BRIP1: variants seen among roughly 807,000 people sequenced by gnomAD.
BRIP1 encodes the protein BRCA1 interacting DNA helicase 1, also known as Fanconi anemia group J protein.
Under a neutral mutation model 119.7 loss-of-function variants are expected in BRIP1, and 88 were observed. The observed-to-expected ratio is 0.74, with a 90% CI of 0.62 to 0.88. The LOEUF is 0.88. Ranked by LOEUF, BRIP1 falls within the 40% of genes least tolerant of loss-of-function variation. The probability of loss-of-function intolerance (pLI) is 0.00; values close to 1 mark genes in which losing one functional copy is unlikely to be tolerated. For missense variants in BRIP1, 1,259 were observed against 1,455.4 expected, an observed-to-expected ratio of 0.87 and a Z score of 2.20; for synonymous variants, 443 against 496.5, an observed-to-expected ratio of 0.89 and a Z score of 1.43.
In BRIP1 at chr17:61,738,525, A is replaced by G. The variant is rs2076947728; in HGVS notation, c.2379+4488T>C. Among the ~76,000 whole-genome samples, 1 of 152,124 alleles carries G rather than the reference A, an allele frequency of 6.6e-6. No homozygotes were observed. The highest frequency in any genetic ancestry group is 1.5e-5 in the Non-Finnish European group (1 of 68,012). On this transcript the variant is annotated intron_variant, in intron 16 of 19. Coordinates refer to ENST00000259008, the MANE Select transcript of BRIP1 (RefSeq NM_032043.3). The surrounding 1 kb of genome is among the most constrained non-coding windows in gnomAD (Gnocchi z 4.2). Reference sequence around the variant, plus strand: ...ATGCACATAAGCAGAACTATGACAAATAGGATCATGACTGAGGAATGTCAG... The same window carrying G: ...ATGCACATAAGCAGAACTATGACAAGTAGGATCATGACTGAGGAATGTCAG...
chr17:61,756,303 C>A lies in BRIP1; in HGVS notation c.2098-11712G>T, dbSNP rs2077200005. Among the ~76,000 whole-genome samples, 1 of 152,124 alleles carries A rather than the reference C, an allele frequency of 6.6e-6. No individual in the cohort carries two copies. The highest frequency in any genetic ancestry group is 6.6e-5 in the Admixed American group (1 of 15,262). Reference sequence around the variant, plus strand: ...AATTCTCTTAGGTATCCTAACTAGGCACCTAAAAACTAACTTAAAGGAAAG... The same window carrying A: ...AATTCTCTTAGGTATCCTAACTAGGAACCTAAAAACTAACTTAAAGGAAAG... On this transcript the variant is annotated intron_variant, in intron 14 of 19. Coordinates refer to ENST00000259008, the MANE Select transcript of BRIP1 (RefSeq NM_032043.3). The surrounding 1 kb of genome is among the most constrained non-coding windows in gnomAD (Gnocchi z 4.3).
Position 61,738,435 on chromosome 17 carries a change from C to T in BRIP1, c.2379+4578G>A, listed in dbSNP as rs2076946769. 6.6e-6 allele frequency among the ~76,000 whole-genome samples: 1 copy of T among 152,084 alleles called. No individual in the cohort carries two copies. Among genetic ancestry groups the T allele is most frequent in the African/African-American group, 2.4e-5 (1 of 41,410 alleles). ...CCTTTTGGGAACCACTAGGGATAACCCTTTAGAACCACCTTCCTCCCCTCT... is the reference window on the plus strand; with the variant it reads ...CCTTTTGGGAACCACTAGGGATAACTCTTTAGAACCACCTTCCTCCCCTCT... On this transcript the variant is annotated intron_variant, in intron 16 of 19. Transcript: ENST00000259008. This position sits in a 1 kb window ranked among gnomAD's most constrained non-coding sequence, Gnocchi z 4.2.
In BRIP1 at chr17:61,822,067, A is replaced by T. The variant is rs1053608897; in HGVS notation, c.628-13310T>A. Among the ~76,000 whole-genome samples, 2 of 152,256 alleles carry T rather than the reference A, an allele frequency of 1.3e-5. No homozygotes were observed. Among genetic ancestry groups the T allele is most frequent in the African/African-American group, 4.8e-5 (2 of 41,474 alleles). ...GTAAAAGAACTAAATGACAGAAGAC[A>T]TAATAAAAACCTCGTGTGACTGGTT... On this transcript the variant is annotated intron_variant, in intron 6 of 19. Coordinates refer to ENST00000259008, the MANE Select transcript of BRIP1 (RefSeq NM_032043.3). The surrounding 1 kb of genome is among the most constrained non-coding windows in gnomAD (Gnocchi z 4.4).
chr17:61,733,231 A>G (rs2076873668), intron 16 of BRIP1, among the ~76,000 whole-genome samples: 1 of 152,186 alleles, frequency 6.6e-6, no homozygotes, highest in South Asian at 2.1e-4. Flanking sequence ...AGATTTAAGA[A>G]TTCTAATACA....
Position 61,687,492 on chromosome 17 carries a change from C to A in BRIP1, c.2576-1327G>T, listed in dbSNP as rs1257764841. On this transcript the variant is annotated intron_variant, in intron 18 of 19. Transcript: ENST00000259008. The surrounding 1 kb of genome is among the most constrained non-coding windows in gnomAD (Gnocchi z 5.1). ...GATAAAACAAATAAAGCAATATTTT[C>A]TGCTTTATGTTTTAATATCAAACCA... 1.3e-5 allele frequency among the ~76,000 whole-genome samples: 2 copies of A among 152,100 alleles called. No individual in the cohort carries two copies. Among genetic ancestry groups the A allele is most frequent in the Admixed American group, 6.5e-5 (1 of 15,278 alleles).
At chr17:61,792,927 G>C (rs1270699965) in intron 10 of BRIP1, among the ~76,000 whole-genome samples, 1 of 152,166 alleles carries the variant, frequency 6.6e-6, no homozygotes, top group African/African-American at 2.4e-5. Context: ...TGTGTATTGT[G>C]TATGTGTATA....
Position 61,799,318 on chromosome 17 carries a change from T to C in BRIP1, c.1141-19A>G. The stretch of plus-strand genomic sequence containing the variant: ...AATCCATCTATAAGATAAAAGAATT[T>C]TCTTGTAAAACATTTGGCAAAATAG... On this transcript the variant is annotated intron_variant, in intron 8 of 19. Coordinates refer to ENST00000259008, the MANE Select transcript of BRIP1 (RefSeq NM_032043.3). The surrounding 1 kb of genome is among the most constrained non-coding windows in gnomAD (Gnocchi z 5.1). 2 of 1,591,242 alleles carry C rather than the reference T, an allele frequency of 1.3e-6. No individual in the cohort carries two copies. Among genetic ancestry groups the C allele is most frequent in the East Asian group, 2.2e-5 (1 of 44,710 alleles).
At chr17:61,707,802 C>G (rs57099937) in intron 17 of BRIP1, among the ~76,000 whole-genome samples, 1 of 151,548 alleles carries the variant, frequency 6.6e-6, no homozygotes, top group African/African-American at 2.4e-5. Context: ...AAAAATAGCC[C>G]ATGTCTTGTT....
chr17:61,712,025 T>C (rs114832704), intron 17 of BRIP1, among the ~76,000 whole-genome samples: 1 of 152,082 alleles, frequency 6.6e-6, no homozygotes, highest in Non-Finnish European at 1.5e-5. Context: ...TATATACATA[T>C]AGCTATGTCT....
Position 61,713,497 on chromosome 17 carries a change from G to C in BRIP1, c.2492+2454C>G, listed in dbSNP as rs1025650735. Among the ~76,000 whole-genome samples, 18 of 151,904 alleles carry C rather than the reference G, an allele frequency of 1.2e-4. No homozygotes were observed. The highest frequency in any genetic ancestry group is 3.9e-4 in the African/African-American group (16 of 41,376). On this transcript the variant is annotated intron_variant, in intron 17 of 19. Transcript: ENST00000259008. The surrounding 1 kb of genome is among the most constrained non-coding windows in gnomAD (Gnocchi z 4.9). Reference sequence around the variant, plus strand: ...ATGCTCCTGATCCTGTGTAGGCCTAGGATACTACATGAGTGTTTATGTCTT... The same window carrying C: ...ATGCTCCTGATCCTGTGTAGGCCTACGATACTACATGAGTGTTTATGTCTT...
At position 61,778,972 on chromosome 17, in the gene BRIP1, T is replaced by G. The variant is rs566142978; in HGVS notation, c.1935+1289A>C. ...TGATGTTAACTTAACCACTTTAGCA[T>G]TAACCACAGCTTAACATCACCTGTG... On this transcript the variant is annotated intron_variant, in intron 13 of 19. Transcript: ENST00000259008. This position sits in a 1 kb window ranked among gnomAD's most constrained non-coding sequence, Gnocchi z 4.4. Among the ~76,000 whole-genome samples the G allele has an allele frequency of 2.6e-4, 39 of 152,316 alleles. No homozygotes were observed. In the East Asian group the frequency reaches 7.1e-3, roughly 28 times the overall value.
rs1224829135 is a variant in BRIP1, at chr17:61,717,652, G to C, written c.2380-1589C>G. Among the ~76,000 whole-genome samples the C allele has an allele frequency of 1.3e-5, 2 of 152,140 alleles. No homozygotes were observed. The highest frequency in any genetic ancestry group is 1.3e-4 in the Admixed American group (2 of 15,264). Reference sequence around the variant, plus strand: ...GCGACTTTGGATTGGATTACAGTGTGCTGTTGTGTGTATTTTGCTTGCGTT... The same window carrying C: ...GCGACTTTGGATTGGATTACAGTGTCCTGTTGTGTGTATTTTGCTTGCGTT... On this transcript the variant is annotated intron_variant, in intron 16 of 19. Transcript: ENST00000259008. The surrounding 1 kb of genome is among the most constrained non-coding windows in gnomAD (Gnocchi z 4.1).
In BRIP1 at chr17:61,805,279, A is replaced by G. The variant is rs990966247; in HGVS notation, c.918+3188T>C. On this transcript the variant is annotated intron_variant, in intron 7 of 19. Coordinates refer to ENST00000259008, the MANE Select transcript of BRIP1 (RefSeq NM_032043.3). The surrounding 1 kb of genome is among the most constrained non-coding windows in gnomAD (Gnocchi z 5.6). ...AATAGCTGAGGACCAGTTCTCCTAA[A>G]GCTTTGTATTCAGCCATGTTAAAGG... Among the ~76,000 whole-genome samples, 1 of 152,256 alleles carries G rather than the reference A, an allele frequency of 6.6e-6. No homozygotes were observed. Among genetic ancestry groups the G allele is most frequent in the South Asian group, 2.1e-4 (1 of 4,826 alleles).
chr17:61,732,696 A>ATT (rs539570210), intron 16 of BRIP1, among the ~76,000 whole-genome samples: 37 of 146,462 alleles, frequency 2.5e-4, no homozygotes, highest in African/African-American at 9.0e-4. Context: ...TATCATTAAC[A>ATT]TTTTTTTTTT....
rs1224791275 is a variant in BRIP1 at position 61,738,294 on chromosome 17, C to T, written c.2379+4719G>A. On this transcript the variant is annotated intron_variant, in intron 16 of 19. Coordinates refer to ENST00000259008, the MANE Select transcript of BRIP1 (RefSeq NM_032043.3). The surrounding 1 kb of genome is among the most constrained non-coding windows in gnomAD (Gnocchi z 4.2). ...GTTACAGAAGAAGAACTGATCCAGA[C>T]ATATGGCAATAAGAAATACACTTCC... is the stretch of plus-strand genomic sequence containing the variant. Among the ~76,000 whole-genome samples the T allele has an allele frequency of 1.3e-5, 2 of 152,138 alleles. No individual in the cohort carries two copies. Among genetic ancestry groups the T allele is most frequent in the African/African-American group, 4.8e-5 (2 of 41,428 alleles).
Position 61,683,160 on chromosome 17 carries a change from A to G in BRIP1, c.*136T>C, listed in dbSNP as rs1488079363. 10 of 1,129,022 alleles carry G rather than the reference A, an allele frequency of 8.9e-6. No individual in the cohort carries two copies. In the East Asian group the frequency reaches 1.5e-4, roughly 17 times the overall value. 69.9% of individuals were successfully genotyped at this position (1,129,022 alleles called of 1,614,324 possible). ...AAAAAAACCCAAAAACTCAAGAATA[A>G]TAACATTTACATTTCTGAACATAAA... On this transcript the variant is annotated 3_prime_UTR_variant, in exon 20 of 20. Transcript: ENST00000259008. The surrounding 1 kb of genome is among the most constrained non-coding windows in gnomAD (Gnocchi z 4.7).
intron 6 of BRIP1, among the ~76,000 whole-genome samples, chr17:61,817,425 A>G (rs1415945346): frequency 6.6e-6 from 1 of 152,218 alleles, no homozygotes; most frequent in Non-Finnish European, 1.5e-5. Flanking sequence ...TTAAAATGAG[A>G]AAACAATGCT....
Position 61,682,250 on chromosome 17 carries a change from A to C in BRIP1, c.*1046T>G, listed in dbSNP as rs2061279814. 1 of 199,546 alleles carries C rather than the reference A, an allele frequency of 5.0e-6. No homozygotes were observed. Among genetic ancestry groups the C allele is most frequent in the Non-Finnish European group, 1.0e-5 (1 of 96,726 alleles). The allele number at this position is 199,546 out of a possible 1,614,324, so 12.4% of individuals were successfully genotyped here. A position where few individuals can be genotyped will look rare whatever the true frequency, so the allele number is the denominator to read the frequency against. Reference sequence around the variant, plus strand: ...GCTAGAACAATACCAGAGGGGATAAATTGTTTCACCCTTTCTAAACAATGT... The same window carrying C: ...GCTAGAACAATACCAGAGGGGATAACTTGTTTCACCCTTTCTAAACAATGT... On this transcript the variant is annotated 3_prime_UTR_variant, in exon 20 of 20. Coordinates refer to ENST00000259008, the MANE Select transcript of BRIP1 (RefSeq NM_032043.3). This position sits in a 1 kb window ranked among gnomAD's most constrained non-coding sequence, Gnocchi z 4.9.
chr17:61,787,358 AAT>A (rs1429035938), intron 10 of BRIP1, among the ~76,000 whole-genome samples: 6 of 128,284 alleles, frequency 4.7e-5, no homozygotes, highest in African/African-American at 1.8e-4. Flanking sequence ...ATTATATATT[AAT>A]ATATTATATA....
Sources: allele counts gnomAD v4.1 joint callset (sites outside exome capture counted in the v4.1 genomes callset), GRCh38; gene constraint gnomAD v4.1.1; non-coding constraint Gnocchi (gnomAD v3.1); transcripts MANE v1.5; gene names NCBI Gene and HGNC (gene_info 2026-07-23, HGNC 2026-07-21).